The following CCDC102B variants were observed in gnomAD, a reference collection of about 807,000 sequenced individuals.
The protein encoded by CCDC102B is coiled-coil domain containing 102B.
In CCDC102B, 75 loss-of-function variants were observed where a neutral mutation model predicts 57.4. The observed-to-expected ratio is 1.31, with a 90% CI of 1.08 to 1.58. The LOEUF (loss-of-function observed/expected upper bound fraction) is 1.58, where lower values mean the gene tolerates loss of function less well. CCDC102B is among the 40% of genes most tolerant of loss of function. The probability of loss-of-function intolerance (pLI) is 0.00; values close to 1 mark genes in which losing one functional copy is unlikely to be tolerated. For synonymous variants in CCDC102B, 206 were observed against 201.9 expected, an observed-to-expected ratio of 1.02 and a Z score of -0.17; for missense variants, 636 against 582.6, an observed-to-expected ratio of 1.09 and a Z score of -0.94.
intron 2 of CCDC102B, among the ~76,000 whole-genome samples, chr18:68,741,510 T>A (rs1447410305): frequency 5.9e-5 from 9 of 152,260 alleles, no homozygotes; most frequent in Middle Eastern, 3.4e-3. Flanking sequence ...AATGTGCTGA[T>A]GGGGATAGAG....
At chr18:69,012,462 T>A (rs2051544338) in intron 7 of CCDC102B, among the ~76,000 whole-genome samples, 1 of 152,140 alleles carries the variant, frequency 6.6e-6, no homozygotes, top group Non-Finnish European at 1.5e-5. Context: ...GCTGCGGTCT[T>A]AAGGAGGGTA....
chr18:68,922,626 C>A (rs147156083), intron 6 of CCDC102B, among the ~76,000 whole-genome samples: 3 of 152,242 alleles, frequency 2.0e-5, no homozygotes, highest in African/African-American at 7.2e-5. Context: ...TGCTGCTTGA[C>A]TCAGGTGGAT....
intron 2 of CCDC102B, among the ~76,000 whole-genome samples, chr18:68,768,445 T>G (rs1222698473): frequency 2.0e-5 from 3 of 152,202 alleles, no homozygotes; most frequent in African/African-American, 4.8e-5. Flanking sequence ...CATTATTCTT[T>G]GTCTTCTTCC....
At chr18:68,857,352 AATAT>A (rs1293234453) in intron 4 of CCDC102B, among the ~76,000 whole-genome samples, 4 of 100,392 alleles carry the variant, frequency 4.0e-5, no homozygotes, top group African/African-American at 1.5e-4. Context: ...ATATATTATA[AATAT>A]ATATATTTAT....
chr18:68,880,848 C>T (rs2039670189), intron 5 of CCDC102B, among the ~76,000 whole-genome samples: 1 of 152,142 alleles, frequency 6.6e-6, no homozygotes, highest in Non-Finnish European at 1.5e-5. Context: ...TTATTTCTAA[C>T]AGTGATTTAC....
At chr18:68,805,432 C>A (rs78229504) in intron 1 of CCDC102B, among the ~76,000 whole-genome samples, 1,614 of 152,192 alleles carry the variant, frequency 0.011, 19 homozygotes, top group East Asian at 0.055. Flanking sequence ...AGCAGGAAGA[C>A]AGCTGTGATT....
intron 2 of CCDC102B, among the ~76,000 whole-genome samples, chr18:68,774,543 A>G (rs1568243118): frequency 6.6e-6 from 1 of 152,040 alleles, no homozygotes; most frequent in Non-Finnish European, 1.5e-5. Context: ...CAGAATAACA[A>G]TGTCAACACT....
intron 6 of CCDC102B, among the ~76,000 whole-genome samples, chr18:68,976,195 T>C (rs2054864981): frequency 6.6e-6 from 1 of 152,032 alleles, no homozygotes; most frequent in South Asian, 2.1e-4. Flanking sequence ...GCTGGACTAA[T>C]GTAGCTCAAA....
chr18:68,950,859 T>C (rs76290520), intron 6 of CCDC102B, among the ~76,000 whole-genome samples: 1 of 151,932 alleles, frequency 6.6e-6, no homozygotes, highest in Non-Finnish European at 1.5e-5. Flanking sequence ...AAAGTGGTAT[T>C]TTTTTTTGAG....
intron 6 of CCDC102B, among the ~76,000 whole-genome samples, chr18:68,910,120 C>A (rs1182023990): frequency 2.0e-5 from 3 of 152,118 alleles, no homozygotes; most frequent in African/African-American, 7.2e-5. Context: ...CGGTGAAACA[C>A]CGTGTCTACT....
intron 6 of CCDC102B, among the ~76,000 whole-genome samples, chr18:68,901,740 T>C (rs911510705): frequency 6.6e-6 from 1 of 152,152 alleles, no homozygotes; most frequent in Non-Finnish European, 1.5e-5. Context: ...CTTTAATTTA[T>C]TGGAGAGTAG....
chr18:68,887,207 G>A lies in CCDC102B; in HGVS notation c.1054-10012G>A, dbSNP rs143395526. Among the ~76,000 whole-genome samples, 779 of 152,080 alleles carry A rather than the reference G, an allele frequency of 5.1e-3. 8 individuals are homozygous for A. Among genetic ancestry groups the A allele is most frequent in the African/African-American group, 0.018 (737 of 41,490 alleles). On this transcript the variant is annotated intron_variant, in intron 5 of 7. Coordinates refer to ENST00000360242, the MANE Select transcript of CCDC102B (RefSeq NM_024781.3). ...AGGGAAGGAAGTTCTTCCTTCTCCC[G>A]TCGATTTTACTTTGTGGAGGTGAGA...
rs1685612790 is a variant in CCDC102B, at chr18:68,760,532, A to G, written c.-67+43938A>G. Among the ~76,000 whole-genome samples, 4 of 152,128 alleles carry G rather than the reference A, an allele frequency of 2.6e-5. No homozygotes were observed. In the South Asian group the frequency reaches 8.3e-4, roughly 32 times the overall value. ...GTGTCATTGATACATTCATTTAGCC[A>G]GTCCTTCCAAAGCCTTGTAATTGTA... On this transcript the variant is annotated intron_variant, in intron 2 of 3. Coordinates refer to the CCDC102B transcript ENST00000578970.
chr18:68,825,933 A>G (rs1275488822), intron 1 of CCDC102B, among the ~76,000 whole-genome samples: 2 of 152,166 alleles, frequency 1.3e-5, no homozygotes, highest in African/African-American at 4.8e-5. Flanking sequence ...AAGTTGTTAA[A>G]GGCACCATTT....
chr18:68,908,559 A>G (rs573215871), intron 6 of CCDC102B: 1 of 152,328 alleles, frequency 6.6e-6, no homozygotes, highest in Non-Finnish European at 1.5e-5. Context: ...AACTGTATGC[A>G]TTCTGTTTAC....
intron 2 of CCDC102B, among the ~76,000 whole-genome samples, chr18:68,773,074 A>G (rs1334017443): frequency 2.0e-5 from 3 of 152,050 alleles, no homozygotes; most frequent in Non-Finnish European, 2.9e-5. Context: ...AAAGGATTCA[A>G]TCAATACCAC....
intron 7 of CCDC102B, among the ~76,000 whole-genome samples, chr18:69,023,029 G>A (rs1167490746): frequency 6.6e-6 from 1 of 151,654 alleles, no homozygotes; most frequent in Non-Finnish European, 1.5e-5. Context: ...TTAAAATAAT[G>A]TCTTTCTGAT....
At chr18:68,790,433 C>T (rs865844563) in intron 2 of CCDC102B, among the ~76,000 whole-genome samples, 20 of 152,122 alleles carry the variant, frequency 1.3e-4, no homozygotes, top group African/African-American at 2.9e-4. Flanking sequence ...CCCAGCCTCG[C>T]TGCCGCCTTG....
intron 4 of CCDC102B, among the ~76,000 whole-genome samples, chr18:68,856,598 C>G (rs2144855369): frequency 6.6e-6 from 1 of 152,290 alleles, no homozygotes; most frequent in Non-Finnish European, 1.5e-5. Context: ...TGTGCACAGC[C>G]CCACTAACAT....
Sources: gnomAD v4.1 joint callset for allele counts (sites outside exome capture counted in the v4.1 genomes callset) on GRCh38, gnomAD v4.1.1 for gene constraint, MANE v1.5 for transcripts, NCBI Gene and HGNC (gene_info 2026-07-23, HGNC 2026-07-21) for gene names.